The following UMAD1 variants were observed in gnomAD, a reference collection of about 807,000 sequenced individuals.
UMAD1 encodes UBAP1-MVB12-associated (UMA)-domain containing protein 1.
Under a neutral mutation model 6.1 loss-of-function variants are expected in UMAD1, and 8 were observed. That is an observed-to-expected ratio of 1.30 (90% confidence interval 0.76 to 2.35). UMAD1 has a LOEUF of 2.35. Among genes scored for constraint, UMAD1 ranks in the 30% most tolerant of loss-of-function variants. The pLI is 0.00. For synonymous variants in UMAD1, 56 were observed against 31.4 expected, an observed-to-expected ratio of 1.78 and a Z score of -2.61; for missense variants, 130 against 78.4, an observed-to-expected ratio of 1.66 and a Z score of -2.49.
chr7:7,683,756 G>T (rs764025614), intron 2 of UMAD1, among the ~76,000 whole-genome samples: 1 of 152,048 alleles, frequency 6.6e-6, no homozygotes, highest in Non-Finnish European at 1.5e-5. Context: ...CCAAGTAGCT[G>T]GGATTACAGG....
chr7:7,774,299 A>C (rs1782158484), intron 2 of UMAD1, among the ~76,000 whole-genome samples: 1 of 152,212 alleles, frequency 6.6e-6, no homozygotes, highest in African/African-American at 2.4e-5. Flanking sequence ...AGGTCAGAAC[A>C]ATAATGAAGA....
chr7:7,767,612 C>T (rs1331400186), intron 2 of UMAD1, among the ~76,000 whole-genome samples: 1 of 152,116 alleles, frequency 6.6e-6, no homozygotes, highest in African/African-American at 2.4e-5. Context: ...AGTGCCAGCT[C>T]TGGATCATAA....
At chr7:7,842,716 A>G (rs1035700476) in intron 3 of UMAD1, among the ~76,000 whole-genome samples, 1 of 152,016 alleles carries the variant, frequency 6.6e-6, no homozygotes, top group Non-Finnish European at 1.5e-5. Flanking sequence ...CTCAATATGT[A>G]TTCTTCAGAA....
intron 2 of UMAD1, among the ~76,000 whole-genome samples, chr7:7,725,501 A>G (rs1781123018): frequency 1.3e-5 from 2 of 152,206 alleles, no homozygotes; most frequent in Non-Finnish European, 2.9e-5. Flanking sequence ...CATCTTTTGC[A>G]GATAACTACT....
intron 2 of UMAD1, among the ~76,000 whole-genome samples, chr7:7,753,273 C>T (rs1295600167): frequency 6.6e-6 from 1 of 152,104 alleles, no homozygotes; most frequent in East Asian, 1.9e-4. Context: ...CTTTGTGTTA[C>T]GAACAATTCA....
In UMAD1 at chr7:7,801,686, G is replaced by C. The variant is rs1489179864; in HGVS notation, c.99G>C (p.Glu33Asp). The C allele has an allele frequency of 7.0e-6, 5 of 717,928 alleles. No individual in the cohort carries two copies. The highest frequency in any genetic ancestry group is 1.3e-5 in the Non-Finnish European group (5 of 385,208). The allele number at this position is 717,928 out of a possible 1,614,324, so 44.5% of individuals were successfully genotyped here. The change falls in exon 3 of 4, where the codon GAG (glutamate) becomes GAC (aspartate). Residue 33 changes from glutamate to aspartate, a missense_variant. Glu to Asp is a conservative substitution (Grantham distance 45). Coordinates refer to ENST00000682710, the MANE Select transcript of UMAD1 (RefSeq NM_001302348.2). ...GFVLLGDTTD[E>D]QRMTARGKTS... ...ACTTCATAGGAGATACAACAGATGA[G>C]CAAAGAATGACAGCAAGAGGCAAAA...
At chr7:7,815,742 C>T (rs971878560) in intron 3 of UMAD1, among the ~76,000 whole-genome samples, 14 of 152,054 alleles carry the variant, frequency 9.2e-5, no homozygotes, top group South Asian at 4.1e-4. Context: ...CCTAGTGGCA[C>T]GGGAGCCTGG....
intron 2 of UMAD1, among the ~76,000 whole-genome samples, chr7:7,785,403 T>G (rs959247963): frequency 6.6e-6 from 1 of 152,096 alleles, no homozygotes; most frequent in Admixed American, 6.6e-5. Context: ...GTTTTATGAT[T>G]GGAGTGTAGA....
chr7:7,812,399 A>C (rs1375984673), intron 3 of UMAD1, among the ~76,000 whole-genome samples: 1 of 152,210 alleles, frequency 6.6e-6, no homozygotes, highest in Non-Finnish European at 1.5e-5. Context: ...TAAAATGACC[A>C]CAATGATATT....
At chr7:7,644,837 A>G (rs191547778) in intron 1 of UMAD1, among the ~76,000 whole-genome samples, 3 of 152,306 alleles carry the variant, frequency 2.0e-5, no homozygotes, top group African/African-American at 7.2e-5. Context: ...AATGTAGCTT[A>G]TGAATTTCCA....
chr7:7,734,858 G>A (rs1259810530), intron 2 of UMAD1, among the ~76,000 whole-genome samples: 1 of 151,944 alleles, frequency 6.6e-6, no homozygotes, highest in African/African-American at 2.4e-5. Flanking sequence ...AACCCCAAGT[G>A]TATTAACAAT....
At chr7:7,823,856 C>G (rs560059065) in intron 3 of UMAD1, among the ~76,000 whole-genome samples, 4 of 152,146 alleles carry the variant, frequency 2.6e-5, no homozygotes, top group Non-Finnish European at 5.9e-5. Context: ...TAAGAAGACA[C>G]CTACAGCAAA....
At chr7:7,744,598 T>G (rs1052352199) in intron 2 of UMAD1, among the ~76,000 whole-genome samples, 9 of 151,870 alleles carry the variant, frequency 5.9e-5, no homozygotes, top group African/African-American at 1.7e-4. Flanking sequence ...TTACTGTTTT[T>G]TTTTTTTTTT....
intron 1 of UMAD1, among the ~76,000 whole-genome samples, chr7:7,667,868 G>A (rs1342678219): frequency 6.6e-6 from 1 of 152,138 alleles, no homozygotes; most frequent in African/African-American, 2.4e-5. Context: ...GTTTAAGATT[G>A]TGCTCTACTC....
intron 2 of UMAD1, among the ~76,000 whole-genome samples, chr7:7,728,725 C>G (rs1320326574): frequency 6.6e-6 from 1 of 151,950 alleles, no homozygotes; most frequent in Non-Finnish European, 1.5e-5. Flanking sequence ...AGGAAGCACT[C>G]AAGAAGTGGT....
In UMAD1 at chr7:7,830,855, T is replaced by C. The variant is rs1783450614; in HGVS notation, c.156+29112T>C. Reference sequence around the variant, plus strand: ...GAAGCCTGTTTATATCTTCCCATCTTTTTAAGTATCTGCATAGAAAAATTT... The same window carrying C: ...GAAGCCTGTTTATATCTTCCCATCTCTTTAAGTATCTGCATAGAAAAATTT... On this transcript the variant is annotated intron_variant, in intron 3 of 3. Transcript: ENST00000682710. This position sits in a 1 kb window ranked among gnomAD's most constrained non-coding sequence, Gnocchi z 5.3. 6.6e-6 allele frequency among the ~76,000 whole-genome samples: 1 copy of C among 152,142 alleles called. No homozygotes were observed. The highest frequency in any genetic ancestry group is 2.1e-4 in the South Asian group (1 of 4,836).
At chr7:7,730,069 G>T (rs1432986148) in intron 2 of UMAD1, among the ~76,000 whole-genome samples, 1 of 151,966 alleles carries the variant, frequency 6.6e-6, no homozygotes, top group Admixed American at 6.6e-5. Flanking sequence ...CCCTTTTTCT[G>T]CCCTTGCTCC....
At chr7:7,783,843 TACTGTAC>T (rs377314922) in intron 2 of UMAD1, among the ~76,000 whole-genome samples, 323 of 152,324 alleles carry the variant, frequency 2.1e-3, no homozygotes, top group African/African-American at 7.6e-3. Flanking sequence ...ATGATCAGTA[TACTGTAC>T]TTCTGGTTAA....
intron 1 of UMAD1, among the ~76,000 whole-genome samples, chr7:7,649,821 A>T (rs1472749798): frequency 3.3e-5 from 5 of 152,158 alleles, no homozygotes; most frequent in Non-Finnish European, 4.4e-5. Context: ...AAGGCCTTTG[A>T]GAGGGCACAT....
Sources: gnomAD v4.1 joint callset for allele counts (sites outside exome capture counted in the v4.1 genomes callset) on GRCh38, gnomAD v4.1.1 for gene constraint, Gnocchi (gnomAD v3.1) non-coding constraint, MANE v1.5 for transcripts, NCBI Gene and HGNC (gene_info 2026-07-23, HGNC 2026-07-21) for gene names.